BORCS5: variants seen among roughly 807,000 people sequenced by gnomAD.
BORCS5 encodes BLOC-1-related complex subunit 5.
In BORCS5, 17 loss-of-function variants were observed where a neutral mutation model predicts 22.1. The observed-to-expected ratio is 0.77, with a 90% confidence interval of 0.53 to 1.15. The LOEUF (loss-of-function observed/expected upper bound fraction) is 1.15. BORCS5 is among the 50% of genes most tolerant of loss of function. The pLI is 0.00. For synonymous variants in BORCS5, 117 were observed against 99.8 expected (o/e 1.17, Z -1.03); for missense variants, 247 against 253.2 (o/e 0.98, Z 0.17).
At chr12:12,371,041 G>A (rs933159167) in intron 2 of BORCS5, among the ~76,000 whole-genome samples, 8 of 152,108 alleles carry the variant, frequency 5.3e-5, no homozygotes, top group South Asian at 2.1e-4. Flanking sequence ...GAGCCACTGC[G>A]CCTGGCCTAC....
In BORCS5 at chr12:12,357,370, C is replaced by G. The variant is rs374025653; in HGVS notation, c.-82C>G. On this transcript the variant is annotated 5_prime_UTR_variant, in exon 1 of 4. Coordinates refer to ENST00000314565, the MANE Select transcript of BORCS5 (RefSeq NM_058169.6). Reference sequence around the variant, plus strand: ...CTCTGCTTTGCCTCCCCGTCCCGGTCCCTGGCCCCTGCCCTGTCGCCCGCC... The same window carrying G: ...CTCTGCTTTGCCTCCCCGTCCCGGTGCCTGGCCCCTGCCCTGTCGCCCGCC... The G allele has an allele frequency of 6.5e-6, 10 of 1,544,944 alleles. No individual in the cohort carries two copies. In the Middle Eastern group the frequency reaches 6.5e-4, roughly 101 times the overall value.
intron 3 of BORCS5, among the ~76,000 whole-genome samples, chr12:12,438,901 G>T (rs2136129729): frequency 1.3e-5 from 2 of 152,292 alleles, no homozygotes; most frequent in Middle Eastern, 6.8e-3. Flanking sequence ...GAAAGTCACA[G>T]AAATAATTTG....
rs1390016027 is a variant in BORCS5 at position 12,469,230 on chromosome 12, CCTGTAATCCCCGCTA to C, written c.*3457_*3471del. 2 of 152,238 alleles carry C rather than the reference CCTGTAATCCCCGCTA, an allele frequency of 1.3e-5. No homozygotes were observed. The highest frequency in any genetic ancestry group is 4.8e-5 in the African/African-American group (2 of 41,456). 9.4% of individuals were successfully genotyped at this position (152,238 alleles called of 1,614,324 possible). ...AATTACCCGGGCATGGTGGCTGGTG[CCTGTAATCCCCGCTA>C]CTTGGGAGGCCAAGGTGGGAGAATC... On this transcript the variant is annotated 3_prime_UTR_variant, in exon 4 of 4. Transcript: ENST00000314565.
chr12:12,374,801 C>T (rs1010688773), intron 2 of BORCS5, among the ~76,000 whole-genome samples: 1 of 151,374 alleles, frequency 6.6e-6, no homozygotes, highest in African/African-American at 2.4e-5. Flanking sequence ...CCACTAAAGA[C>T]AAAAAAATTA....
At position 12,467,055 on chromosome 12, in the gene BORCS5, AG is replaced by A. The variant is rs1186830557; in HGVS notation, c.*1280del. On this transcript the variant is annotated 3_prime_UTR_variant, in exon 4 of 4. Transcript: ENST00000314565. Reference sequence around the variant, plus strand: ...GGGATCCTCACGCCTCAGACTCCTGAGTAGCTGGGATTACAGGTGTGTGCCA... The same window carrying A: ...GGGATCCTCACGCCTCAGACTCCTGATAGCTGGGATTACAGGTGTGTGCCA... 1 of 152,212 alleles carries A rather than the reference AG, an allele frequency of 6.6e-6. No individual in the cohort carries two copies. Among genetic ancestry groups the A allele is most frequent in the Non-Finnish European group, 1.5e-5 (1 of 68,030 alleles). The allele number at this position is 152,212 out of a possible 1,614,324, so 9.4% of individuals were successfully genotyped here.
Position 12,382,650 on chromosome 12 carries a change from A to G in BORCS5, c.202+21301A>G, listed in dbSNP as rs966992969. 9.4e-5 allele frequency among the ~76,000 whole-genome samples: 14 copies of G among 149,662 alleles called. 1 individual carries two copies. The highest frequency in any genetic ancestry group is 3.5e-4 in the African/African-American group (14 of 40,548). On this transcript the variant is annotated intron_variant, in intron 2 of 3. Coordinates refer to ENST00000314565, the MANE Select transcript of BORCS5 (RefSeq NM_058169.6). Reference sequence around the variant, plus strand: ...TGGGTTCAAGTGATTTTCCTGCCTCAGCCTCCCAAGTAGCTGGGATTACAG... The same window carrying G: ...TGGGTTCAAGTGATTTTCCTGCCTCGGCCTCCCAAGTAGCTGGGATTACAG...
intron 1 of BORCS5, among the ~76,000 whole-genome samples, chr12:12,360,120 T>C (rs1863246256): frequency 6.6e-6 from 1 of 152,080 alleles, no homozygotes; most frequent in Non-Finnish European, 1.5e-5. Context: ...TTCTAGCACT[T>C]TGGGAGGCCG....
intron 2 of BORCS5, among the ~76,000 whole-genome samples, chr12:12,376,857 T>A (rs1863665878): frequency 6.6e-6 from 1 of 152,212 alleles, no homozygotes. Flanking sequence ...TTGTTGAAAC[T>A]GCTGCAACCT....
At chr12:12,363,993 A>C (rs1470623343) in intron 2 of BORCS5, among the ~76,000 whole-genome samples, 1 of 152,194 alleles carries the variant, frequency 6.6e-6, no homozygotes, top group Non-Finnish European at 1.5e-5. Flanking sequence ...TAGCATAAAC[A>C]GTTGATTAAC....
In BORCS5 at chr12:12,451,891, C is replaced by T. The variant is rs537035150; in HGVS notation, c.361-13655C>T. On this transcript the variant is annotated intron_variant, in intron 3 of 3. Coordinates refer to ENST00000314565, the MANE Select transcript of BORCS5 (RefSeq NM_058169.6). The stretch of plus-strand genomic sequence containing the variant: ...CGAGATCGCACCACTGCACTCCAGC[C>T]TGGCGACAGAGCGAGACTCTTTCTC... Among the ~76,000 whole-genome samples the T allele has an allele frequency of 6.1e-5, 9 of 148,292 alleles. No homozygotes were observed. In the East Asian group the frequency reaches 1.8e-3, roughly 29 times the overall value.
chr12:12,463,088 CA>C (rs1943140245), intron 3 of BORCS5, among the ~76,000 whole-genome samples: 2 of 152,090 alleles, frequency 1.3e-5, no homozygotes. Context: ...ATAGGAAAGG[CA>C]AATAAGGATA....
intron 3 of BORCS5, among the ~76,000 whole-genome samples, chr12:12,453,313 C>T (rs907894205): frequency 1.3e-5 from 2 of 152,188 alleles, no homozygotes; most frequent in African/African-American, 2.4e-5. Context: ...TGGCATCTCA[C>T]GCTTCCTTTT....
At chr12:12,366,131 A>G (rs1863401774) in intron 2 of BORCS5, among the ~76,000 whole-genome samples, 1 of 152,154 alleles carries the variant, frequency 6.6e-6, no homozygotes, top group Non-Finnish European at 1.5e-5. Flanking sequence ...GGATGAGGCC[A>G]TTCCTCAAAA....
intron 2 of BORCS5, among the ~76,000 whole-genome samples, chr12:12,432,226 C>G (rs1942447747): frequency 6.6e-6 from 1 of 152,044 alleles, no homozygotes; most frequent in Non-Finnish European, 1.5e-5. Flanking sequence ...TTTGCATTAT[C>G]CTGGTCCACT....
At chr12:12,464,192 C>T (rs916735322) in intron 3 of BORCS5, among the ~76,000 whole-genome samples, 1 of 136,540 alleles carries the variant, frequency 7.3e-6, no homozygotes, top group Non-Finnish European at 1.6e-5. Flanking sequence ...TGGAGTTTCT[C>T]ACTCCCATGT....
intron 2 of BORCS5, among the ~76,000 whole-genome samples, chr12:12,421,551 T>C (rs1386439502): frequency 1.3e-5 from 2 of 152,232 alleles, no homozygotes; most frequent in Non-Finnish European, 2.9e-5. Flanking sequence ...GGTATCAGGA[T>C]GCTGCTGGCC....
intron 2 of BORCS5, among the ~76,000 whole-genome samples, chr12:12,402,966 G>T (rs1484530196): frequency 6.6e-6 from 1 of 152,052 alleles, no homozygotes; most frequent in Non-Finnish European, 1.5e-5. Context: ...CTTCCAAAGT[G>T]TTTAGGTACT....
chr12:12,415,974 GA>G (rs1387110100), intron 2 of BORCS5, among the ~76,000 whole-genome samples: 3 of 152,062 alleles, frequency 2.0e-5, no homozygotes, highest in African/African-American at 7.2e-5. Flanking sequence ...TTTATCAGGA[GA>G]TTTTTTTATT....
chr12:12,395,948 A>G (rs1941329089), intron 2 of BORCS5, among the ~76,000 whole-genome samples: 1 of 152,134 alleles, frequency 6.6e-6, no homozygotes, highest in South Asian at 2.1e-4. Flanking sequence ...TGCTTGATTG[A>G]GGGAGCAGAA....
Sources: allele counts gnomAD v4.1 joint callset (sites outside exome capture counted in the v4.1 genomes callset), GRCh38; gene constraint gnomAD v4.1.1; transcripts MANE v1.5; gene names NCBI Gene and HGNC (gene_info 2026-07-23, HGNC 2026-07-21).